The following ANKS1B variants were observed in gnomAD, a reference collection of about 807,000 sequenced individuals.
ANKS1B encodes ankyrin repeat and sterile alpha motif domain containing 1B.
A neutral mutation model predicts 148.3 loss-of-function variants in ANKS1B; 36 were observed. That is an observed-to-expected ratio of 0.24 (90% CI 0.19 to 0.32). The LOEUF (loss-of-function observed/expected upper bound fraction) is 0.32, where lower values mean the gene tolerates loss of function less well. Among genes scored for constraint, ANKS1B ranks in the 10% least tolerant of loss-of-function variants. The pLI is 1.00. For missense variants in ANKS1B, 1,157 were observed against 1,542.6 expected, an observed-to-expected ratio of 0.75 and a Z score of 4.19; for synonymous variants, 542 against 560.8, an observed-to-expected ratio of 0.97 and a Z score of 0.47.
chr12:99,485,627 C>G (rs190856729), intron 10 of ANKS1B, among the ~76,000 whole-genome samples: 3 of 152,048 alleles, frequency 2.0e-5, no homozygotes, highest in African/African-American at 7.2e-5. Context: ...GTTTTCCAGA[C>G]TTAATATTTT....
At chr12:99,282,847 G>A (rs567772874) in intron 12 of ANKS1B, among the ~76,000 whole-genome samples, 1 of 152,264 alleles carries the variant, frequency 6.6e-6, no homozygotes, top group South Asian at 2.1e-4. Flanking sequence ...ACATTCAAAT[G>A]GAGAGGTCAA....
At chr12:98,858,422 T>C (rs1055046905) in intron 17 of ANKS1B, among the ~76,000 whole-genome samples, 4 of 152,226 alleles carry the variant, frequency 2.6e-5, no homozygotes, top group African/African-American at 9.6e-5. Flanking sequence ...TGGCTCACTG[T>C]TGCCTTGACC....
At chr12:99,494,132 C>T (rs970545434) in intron 10 of ANKS1B, among the ~76,000 whole-genome samples, 3 of 152,148 alleles carry the variant, frequency 2.0e-5, no homozygotes, top group African/African-American at 4.8e-5. Flanking sequence ...TGTCGCCAAC[C>T]TGTGCTTCTG....
chr12:98,902,960 A>G (rs1217853884), intron 17 of ANKS1B, among the ~76,000 whole-genome samples: 1 of 152,202 alleles, frequency 6.6e-6, no homozygotes, highest in East Asian at 1.9e-4. Context: ...GGGAGGGGAC[A>G]GTAACTTTTT....
chr12:98,920,164 A>G (rs911150466), intron 17 of ANKS1B, among the ~76,000 whole-genome samples: 6 of 152,212 alleles, frequency 3.9e-5, no homozygotes, highest in Admixed American at 1.3e-4. Context: ...AAACATGACC[A>G]CAATATCTGT....
intron 1 of ANKS1B, among the ~76,000 whole-genome samples, chr12:99,947,767 G>C (rs982464701): frequency 1.3e-5 from 2 of 152,028 alleles, no homozygotes; most frequent in African/African-American, 4.8e-5. Flanking sequence ...TAAGACCTCC[G>C]GGCATATTCA....
chr12:99,644,616 T>C (rs1046043771), intron 9 of ANKS1B, among the ~76,000 whole-genome samples: 4 of 152,234 alleles, frequency 2.6e-5, no homozygotes, highest in African/African-American at 9.6e-5. Flanking sequence ...AAGCCATTTC[T>C]ATATTTTTAT....
At chr12:99,032,393 A>AG (rs1568457929) in intron 17 of ANKS1B, among the ~76,000 whole-genome samples, 1 of 152,180 alleles carries the variant, frequency 6.6e-6, no homozygotes, top group African/African-American at 2.4e-5. Context: ...TGAAGGCTCA[A>AG]GGGGAGAATC....
intron 1 of ANKS1B, among the ~76,000 whole-genome samples, chr12:99,915,096 A>G (rs1318081510): frequency 6.6e-6 from 1 of 152,016 alleles, no homozygotes; most frequent in African/African-American, 2.4e-5. Flanking sequence ...ATGGTGATGC[A>G]TGCCTGTAAT....
At chr12:99,670,073 C>T (rs769475033) in intron 8 of ANKS1B, among the ~76,000 whole-genome samples, 3 of 148,220 alleles carry the variant, frequency 2.0e-5, no homozygotes, top group Non-Finnish European at 4.4e-5. Context: ...GGAAGTTTGA[C>T]AAAACCTTTA....
chr12:99,843,195 G>T (rs1461245039), intron 1 of ANKS1B, among the ~76,000 whole-genome samples: 2 of 151,946 alleles, frequency 1.3e-5, no homozygotes, highest in East Asian at 3.9e-4. Context: ...TTTCCATTTA[G>T]GTTTTCTAAT....
At chr12:98,866,294 G>A (rs959502695) in intron 17 of ANKS1B, among the ~76,000 whole-genome samples, 3 of 152,148 alleles carry the variant, frequency 2.0e-5, no homozygotes, top group Admixed American at 6.5e-5. Flanking sequence ...CCATCTCACT[G>A]CTACTACCTC....
intron 15 of ANKS1B, among the ~76,000 whole-genome samples, chr12:99,127,693 G>A (rs935070306): frequency 6.6e-6 from 1 of 152,134 alleles, no homozygotes; most frequent in Non-Finnish European, 1.5e-5. Flanking sequence ...AACTCAGCCT[G>A]TTTTCTTTGT....
At chr12:99,809,030 C>T (rs999258211) in intron 3 of ANKS1B, among the ~76,000 whole-genome samples, 3 of 152,038 alleles carry the variant, frequency 2.0e-5, no homozygotes, top group Admixed American at 6.6e-5. Context: ...GGTACTTTTA[C>T]GAGAGCATGA....
At chr12:99,812,534 CACACACACACACACACACACACACAGAG>C (rs1565776572) in intron 2 of ANKS1B, among the ~76,000 whole-genome samples, 2 of 94,098 alleles carry the variant, frequency 2.1e-5, no homozygotes, top group African/African-American at 9.3e-5. Context: ...CACACACACA[CACACACACACACACACACACACACAGAG>C]AGAGAGAGAG....
chr12:98,944,006 T>TA (rs1398193237), intron 17 of ANKS1B, among the ~76,000 whole-genome samples: 1 of 152,090 alleles, frequency 6.6e-6, no homozygotes, highest in Non-Finnish European at 1.5e-5. Flanking sequence ...GGGGGTTGTT[T>TA]AAAAGAGCCT....
chr12:99,882,572 TCAGAAGTGGGAGCTAAG>T (rs1206574836), intron 1 of ANKS1B, among the ~76,000 whole-genome samples: 2 of 152,090 alleles, frequency 1.3e-5, no homozygotes, highest in Admixed American at 6.6e-5. Context: ...GGATCCCTCA[TCAGAAGTGGGAGCTAAG>T]CTATGAGGAA....
rs114411620 is a variant in ANKS1B, at chr12:99,568,235, G to A, written c.1273-63594C>T. ...CTTTTCCAGCTTCTAGAGGAGACTT[G>A]CATTCCTTGGGCTCATGGCCTCTTC... On this transcript the variant is annotated intron_variant, in intron 9 of 26. Transcript: ENST00000683438. Among the ~76,000 whole-genome samples, 1,475 of 152,240 alleles carry A rather than the reference G, an allele frequency of 9.7e-3. 13 individuals are homozygous for A. Among genetic ancestry groups the A allele is most frequent in the African/African-American group, 0.034 (1,411 of 41,520 alleles).
At chr12:98,915,743 GAA>G (rs938828286) in intron 17 of ANKS1B, among the ~76,000 whole-genome samples, 6 of 152,136 alleles carry the variant, frequency 3.9e-5, no homozygotes, top group Admixed American at 3.9e-4. Context: ...AAATTCTCAA[GAA>G]AAATGTATGG....
Sources: gnomAD v4.1 joint callset for allele counts (sites outside exome capture counted in the v4.1 genomes callset) on GRCh38, gnomAD v4.1.1 for gene constraint, MANE v1.5 for transcripts, NCBI Gene and HGNC (gene_info 2026-07-23, HGNC 2026-07-21) for gene names.